Variants in BTBD18 observed in about 807,000 individuals in gnomAD.
BTBD18 encodes BTB/POZ domain-containing protein 18.
For missense variants in BTBD18, 787 were observed against 846.3 expected, an observed-to-expected ratio of 0.93 and a Z score of 0.87; for synonymous variants, 311 against 324.4, an observed-to-expected ratio of 0.96 and a Z score of 0.44.
In BTBD18 at chr11:57,745,135, T is replaced by C. The variant is rs547492085; in HGVS notation, c.1138A>G (p.Thr380Ala). The C allele has an allele frequency of 7.7e-6, 12 of 1,551,572 alleles. No individual in the cohort carries two copies. In the East Asian group the frequency reaches 2.4e-4, roughly 32 times the overall value. ...EVVQETPLKN[T>A]QDSPQIPDPG... ...TCTGGGATCTGGGGGCTATCTTGAG[T>C]GTTTTTGAGAGGAGTCTCTTGTACC... The change falls in exon 3 of 3, where the codon ACT (threonine) becomes GCT (alanine). Residue 380 changes from threonine to alanine, a missense_variant. Coordinates refer to ENST00000422652, the MANE Select transcript of BTBD18 (RefSeq NM_001145101.3).
intron 2 of BTBD18, among the ~76,000 whole-genome samples, chr11:57,746,532 G>A (rs1330127471): frequency 1.3e-5 from 2 of 152,110 alleles, no homozygotes; most frequent in South Asian, 4.1e-4. Flanking sequence ...GTTTCACCTT[G>A]TTGGTCAGGC....
chr11:57,744,508 C>T lies in BTBD18; in HGVS notation c.1765G>A (p.Gly589Ser). 1 of 1,551,654 alleles carries T rather than the reference C, an allele frequency of 6.4e-7. No homozygotes were observed. The highest frequency in any genetic ancestry group is 8.7e-7 in the Non-Finnish European group (1 of 1,146,966). The change falls in exon 3 of 3, where the codon GGC becomes AGC. Residue 589 changes from glycine to serine, a missense_variant. Transcript: ENST00000422652. ...ATTTCAAGGTCTGGTGTCCAACGGC[C>T]TCCTACTGAAAGCACTTCACTCACC... ...SEVSEVLSVGGRWTPDLEITS... is the reference protein window; with the variant it reads ...SEVSEVLSVGSRWTPDLEITS...
At position 57,745,638 on chromosome 11, in the gene BTBD18, C is replaced by T; in HGVS notation, c.635G>A (p.Arg212Lys). The stretch of plus-strand genomic sequence containing the variant: ...TTTTTCTTGTGGAGTTGGGCAGGCT[C>T]TGGCCTTCCTCTTGAGCAGAAGAGT... Reference protein sequence around the residue: ...SGTLLLKRKARACPTPQEKNS... With the variant: ...SGTLLLKRKAKACPTPQEKNS... The change falls in exon 3 of 3, where the codon AGA (arginine) becomes AAA (lysine). Residue 212 changes from arginine (R) to lysine (K), a missense_variant. Transcript: ENST00000422652. 6.4e-7 allele frequency: 1 copy of T among 1,551,668 alleles called. No homozygotes were observed.
Position 57,744,198 on chromosome 11 carries a change from G to C in BTBD18, c.2075C>G (p.Thr692Ser). 1.3e-6 allele frequency: 2 copies of C among 1,551,682 alleles called. No homozygotes were observed. The highest frequency in any genetic ancestry group is 1.7e-6 in the Non-Finnish European group (2 of 1,146,982). ...AGGGTCAGGCCACACGGAGGGAACA[G>C]TAGTGGGTACCAGCCTCCCCTCTGC... ...WTAEGRLVPT[T>S]VPSVWPDPSS... Residue 692 changes from threonine to serine, a missense_variant, in exon 3 of 3, where the codon ACT (threonine) becomes AGT (serine). Thr to Ser is a moderately conservative substitution (Grantham distance 58). Transcript: ENST00000422652.
chr11:57,749,664 C>G (rs1486495350), intron 2 of BTBD18, among the ~76,000 whole-genome samples: 1 of 142,192 alleles, frequency 7.0e-6, no homozygotes, highest in African/African-American at 2.6e-5. Context: ...GGAGGAGAAT[C>G]GCTTGAACCC....
Position 57,745,343 on chromosome 11 carries a change from G to A in BTBD18, c.930C>T (p.Asp310=). The A allele has an allele frequency of 1.9e-6, 3 of 1,551,698 alleles. No individual in the cohort carries two copies. The South Asian group carries it at 3.6e-5, about 18-fold the overall frequency. ...GACTAGCTCTGCCTGGTTTTGGCTTGTCCTCTGGTGTTTCTTTATTTACAC... is the reference window on the plus strand; with the variant it reads ...GACTAGCTCTGCCTGGTTTTGGCTTATCCTCTGGTGTTTCTTTATTTACAC... ...QRSVNKETPE[D]KPKPGRASPL... The change falls in exon 3 of 3, where the codon GAC becomes GAT. Residue 310 remains aspartate (D), a synonymous_variant. Coordinates refer to ENST00000422652, the MANE Select transcript of BTBD18 (RefSeq NM_001145101.3).
At position 57,746,327 on chromosome 11, in the gene BTBD18, A is replaced by G. The variant is rs868860246; in HGVS notation, c.125-179T>C. 9.4e-5 allele frequency among the ~76,000 whole-genome samples: 11 copies of G among 117,348 alleles called. 1 individual carries two copies. Among genetic ancestry groups the G allele is most frequent in the Middle Eastern group, 4.9e-3 (1 of 204 alleles). 77.0% of individuals were successfully genotyped at this position (117,348 alleles called of 152,430 possible). On this transcript the variant is annotated intron_variant, in intron 2 of 2. Transcript: ENST00000422652. ...AACCTTCTGCCATTACCTTTTGCCTAGCTATTTTTTTTTTTTTTTTTTGAG... is the reference window on the plus strand; with the variant it reads ...AACCTTCTGCCATTACCTTTTGCCTGGCTATTTTTTTTTTTTTTTTTTGAG...
intron 2 of BTBD18, among the ~76,000 whole-genome samples, chr11:57,746,519 G>A (rs1032303555): frequency 5.3e-5 from 8 of 151,810 alleles, no homozygotes; most frequent in African/African-American, 7.3e-5. Flanking sequence ...TAGTAGAGAC[G>A]GGGTTTCACC....
chr11:57,744,171 G>A lies in BTBD18; in HGVS notation c.2102C>T (p.Ser701Phe). ...TTVPSVWPDP[S>F]SESETEVDIL... is the part of the protein sequence containing the mutation. ...ATCTACCTCTGTTTCTGACTCTGAGGAAGGGTCAGGCCACACGGAGGGAAC... is the reference window on the plus strand; with the variant it reads ...ATCTACCTCTGTTTCTGACTCTGAGAAAGGGTCAGGCCACACGGAGGGAAC... Residue 701 changes from serine (S) to phenylalanine (F), a missense_variant, in exon 3 of 3, where the codon TCC becomes TTC. By Grantham distance (155) the Ser-to-Phe change is radical (BLOSUM62 -2). Coordinates refer to ENST00000422652, the MANE Select transcript of BTBD18 (RefSeq NM_001145101.3). 1 of 1,551,390 alleles carries A rather than the reference G, an allele frequency of 6.4e-7. No individual in the cohort carries two copies.
Position 57,743,648 on chromosome 11 carries a change from A to G in BTBD18, c.*486T>C, listed in dbSNP as rs1339117282. The G allele has an allele frequency of 1.3e-5, 2 of 153,238 alleles. No individual in the cohort carries two copies. The highest frequency in any genetic ancestry group is 4.8e-5 in the African/African-American group (2 of 41,448). The allele number at this position is 153,238 out of a possible 1,614,324, so 9.5% of individuals were successfully genotyped here. A position where few individuals can be genotyped will look rare whatever the true frequency, so the allele number is the denominator to read the frequency against. ...TTTAGCTAGACTTCCTAATACTGGC[A>G]GTGAATAAGCCCCACGTTGGGTGCT... On this transcript the variant is annotated 3_prime_UTR_variant, in exon 3 of 3. Transcript: ENST00000422652.
In BTBD18 at chr11:57,743,910, A is replaced by C; in HGVS notation, c.*224T>G. The C allele has an allele frequency of 2.1e-6, 1 of 467,034 alleles. No homozygotes were observed. Among genetic ancestry groups the C allele is most frequent in the Non-Finnish European group, 3.8e-6 (1 of 262,580 alleles). The allele number at this position is 467,034 out of a possible 1,614,324, so 28.9% of individuals were successfully genotyped here. On this transcript the variant is annotated 3_prime_UTR_variant, in exon 3 of 3. Coordinates refer to ENST00000422652, the MANE Select transcript of BTBD18 (RefSeq NM_001145101.3). ...TGTTTCAGTTGTCACTAACCGGAAA[A>C]TAGATTACAAATAAGATGGTACAAG... is the stretch of plus-strand genomic sequence containing the variant.
chr11:57,752,847 G>A (rs1350598113), upstream of BTBD18, among the ~76,000 whole-genome samples: 1 of 152,244 alleles, frequency 6.6e-6, no homozygotes, highest in Non-Finnish European at 1.5e-5. Flanking sequence ...GGGCTTCAGG[G>A]AGAGCCCTGC....
chr11:57,745,682 A>C lies in BTBD18; in HGVS notation c.591T>G (p.Asn197Lys), dbSNP rs1949175953. 1 of 1,551,496 alleles carries C rather than the reference A, an allele frequency of 6.4e-7. No individual in the cohort carries two copies. Among genetic ancestry groups the C allele is most frequent in the Admixed American group, 2.0e-5 (1 of 50,972 alleles). ...EEGPQENNRQ[N>K]ADNLSGTLLL... is the part of the protein sequence containing the mutation. ...GAAGAGTGCCAGACAAATTGTCTGC[A>C]TTCTGTCGGTTGTTTTCCTGGGGCC... is the stretch of plus-strand genomic sequence containing the variant. The change falls in exon 3 of 3, where the codon AAT becomes AAG. Residue 197 changes from asparagine to lysine, a missense_variant. Asn to Lys is a moderately conservative substitution (Grantham distance 94, BLOSUM62 0). Transcript: ENST00000422652.
chr11:57,746,079 C>T lies in BTBD18; in HGVS notation c.194G>A (p.Arg65Gln), dbSNP rs576891132. 1.4e-4 allele frequency: 221 copies of T among 1,551,512 alleles called. No homozygotes were observed. The highest frequency in any genetic ancestry group is 8.3e-4 in the Middle Eastern group (5 of 5,990). Residue 65 changes from arginine to glutamine, a missense_variant, in exon 3 of 3, where the codon CGG becomes CAG. By Grantham distance (43) the Arg-to-Gln change is conservative. Coordinates refer to ENST00000422652, the MANE Select transcript of BTBD18 (RefSeq NM_001145101.3). The stretch of plus-strand genomic sequence containing the variant: ...CTTCCCACCCTGAGCTGGCCTCTCC[C>T]GCTCCAGGCGCTCTGTGAAGAAGGG... Reference protein sequence around the residue: ...CSPFFTERLERERPAQGGKVV... With the variant: ...CSPFFTERLEQERPAQGGKVV...
chr11:57,744,369 T>C lies in BTBD18; in HGVS notation c.1904A>G (p.Glu635Gly). 1 of 1,551,638 alleles carries C rather than the reference T, an allele frequency of 6.4e-7. No individual in the cohort carries two copies. The highest frequency in any genetic ancestry group is 8.7e-7 in the Non-Finnish European group (1 of 1,146,946). Residue 635 changes from glutamate (E) to glycine (G), a missense_variant, in exon 3 of 3, where the codon GAG (glutamate) becomes GGG (glycine). By Grantham distance (98) the Glu-to-Gly change is moderately conservative. Transcript: ENST00000422652. Reference sequence around the variant, plus strand: ...AGTCAAGGAGACTTCCAGCCCAGTCTCCACCCAGTTTGAGCAGGGAGGTGA... The same window carrying C: ...AGTCAAGGAGACTTCCAGCCCAGTCCCCACCCAGTTTGAGCAGGGAGGTGA... ...DLSPPCSNWV[E>G]TGLEVSLTTD... is the part of the protein sequence containing the mutation.
At position 57,745,662 on chromosome 11, in the gene BTBD18, G is replaced by A. The variant is rs1294716061; in HGVS notation, c.611C>T (p.Thr204Ile). Residue 204 changes from threonine (T) to isoleucine (I), a missense_variant, in exon 3 of 3, where the codon ACT becomes ATT. By Grantham distance (89) the Thr-to-Ile change is moderately conservative. Coordinates refer to ENST00000422652, the MANE Select transcript of BTBD18 (RefSeq NM_001145101.3). ...NRQNADNLSGTLLLKRKARAC... is the reference protein window; with the variant it reads ...NRQNADNLSGILLLKRKARAC... ...TCTGGCCTTCCTCTTGAGCAGAAGA[G>A]TGCCAGACAAATTGTCTGCATTCTG... is the stretch of plus-strand genomic sequence containing the variant. The A allele has an allele frequency of 1.9e-6, 3 of 1,551,532 alleles. No individual in the cohort carries two copies. Among genetic ancestry groups the A allele is most frequent in the Non-Finnish European group, 2.6e-6 (3 of 1,146,980 alleles).
Position 57,744,478 on chromosome 11 carries a change from T to C in BTBD18, c.1795A>G (p.Ser599Gly), listed in dbSNP as rs1368243510. The C allele has an allele frequency of 1.9e-6, 3 of 1,551,622 alleles. No individual in the cohort carries two copies. The highest frequency in any genetic ancestry group is 2.6e-6 in the Non-Finnish European group (3 of 1,146,960). The change falls in exon 3 of 3, where the codon AGC (serine) becomes GGC (glycine). Residue 599 changes from serine (S) to glycine (G), a missense_variant. Ser to Gly is a moderately conservative substitution (Grantham distance 56). Coordinates refer to ENST00000422652, the MANE Select transcript of BTBD18 (RefSeq NM_001145101.3). ...TCCTGACCATCCAGTGGCTGGGAGC[T>C]GGTAATTTCAAGGTCTGGTGTCCAA... Reference protein sequence around the residue: ...GRWTPDLEITSSQPLDGQEDK... With the variant: ...GRWTPDLEITGSQPLDGQEDK...
At chr11:57,751,328 AATAG>A in intron 1 of BTBD18, 92 bp from the exon 2 acceptor site, 1 of 630,772 alleles carries the variant, frequency 1.6e-6, no homozygotes, top group Non-Finnish European at 2.5e-6. Flanking sequence ...AGTGAGAGAT[AATAG>A]TATGAGTTGA....
intron 2 of BTBD18, among the ~76,000 whole-genome samples, chr11:57,749,658 G>C (rs989975287): frequency 6.7e-6 from 1 of 149,008 alleles, no homozygotes; most frequent in Non-Finnish European, 1.5e-5. Context: ...ACTGAGGGAG[G>C]AGAATCGCTT....
Sources: allele counts gnomAD v4.1 joint callset (sites outside exome capture counted in the v4.1 genomes callset), GRCh38; gene constraint gnomAD v4.1.1; transcripts MANE v1.5; gene names NCBI Gene and HGNC (gene_info 2026-07-23, HGNC 2026-07-21).